MEIS2: variants seen among roughly 807,000 people sequenced by gnomAD.
MEIS2 encodes the protein Meis homeobox 2, also known as homeobox protein Meis2.
In MEIS2, 9 loss-of-function variants were observed where a neutral mutation model predicts 58.6. The ratio of observed to expected loss-of-function variants is 0.15; its 90% CI spans 0.09 to 0.27. The LOEUF (loss-of-function observed/expected upper bound fraction) is 0.27, where lower values mean the gene tolerates loss of function less well. Ranked by LOEUF, MEIS2 falls within the 10% of genes least tolerant of loss-of-function variation. MEIS2 has a pLI of 1.00. For missense variants in MEIS2, 427 were observed against 635.0 expected, an observed-to-expected ratio of 0.67 and a Z score of 3.52; for synonymous variants, 221 against 228.4, an observed-to-expected ratio of 0.97 and a Z score of 0.29.
chr15:36,990,114 T>G (rs907816095), intron 8 of MEIS2, among the ~76,000 whole-genome samples: 4 of 151,938 alleles, frequency 2.6e-5, no homozygotes, highest in Non-Finnish European at 4.4e-5. Context: ...CCAGCTAAAT[T>G]TTTTGTATTT....
At chr15:37,092,234 T>C (rs1002807429) in intron 6 of MEIS2, among the ~76,000 whole-genome samples, 7 of 152,240 alleles carry the variant, frequency 4.6e-5, no homozygotes, top group African/African-American at 1.7e-4. Context: ...TCTAGACTTT[T>C]TCTAACTTTT....
chr15:36,934,613 T>C (rs1205631362), intron 9 of MEIS2, among the ~76,000 whole-genome samples: 2 of 152,228 alleles, frequency 1.3e-5, no homozygotes, highest in Non-Finnish European at 2.9e-5. Context: ...GTAATTGTAC[T>C]GGCTTTGTGA....
At chr15:37,069,461 T>G (rs928208262) in intron 7 of MEIS2, among the ~76,000 whole-genome samples, 1 of 152,200 alleles carries the variant, frequency 6.6e-6, no homozygotes, top group Non-Finnish European at 1.5e-5. Context: ...ATGGCAAAGA[T>G]AGTCTTAACT....
intron 6 of MEIS2, among the ~76,000 whole-genome samples, chr15:37,084,378 C>T (rs1469391349): frequency 6.6e-6 from 1 of 152,096 alleles, no homozygotes; most frequent in East Asian, 1.9e-4. Context: ...TATGGGACAG[C>T]CCTTGACATC....
At chr15:37,011,459 T>C (rs2061151187) in intron 8 of MEIS2, among the ~76,000 whole-genome samples, 1 of 152,166 alleles carries the variant, frequency 6.6e-6, no homozygotes, top group African/African-American at 2.4e-5. Flanking sequence ...CCAAAAGAAT[T>C]AGCTTTCTTG....
chr15:37,031,625 T>C (rs1298165331), intron 8 of MEIS2, among the ~76,000 whole-genome samples: 3 of 151,994 alleles, frequency 2.0e-5, no homozygotes, highest in African/African-American at 7.3e-5. Flanking sequence ...ACCCAGGCCT[T>C]GACAAAATCC....
chr15:36,930,280 C>G, intron 9 of MEIS2, among the ~76,000 whole-genome samples: 1 of 148,436 alleles, frequency 6.7e-6, no homozygotes, highest in Non-Finnish European at 1.5e-5. Context: ...ATATGTAGAG[C>G]TGATTGCACA....
rs2055798197 is a variant in MEIS2 at position 36,890,291 on chromosome 15, C to T, written c.*1882G>A. On this transcript the variant is annotated 3_prime_UTR_variant, in exon 12 of 12. Coordinates refer to ENST00000561208, the MANE Select transcript of MEIS2 (RefSeq NM_170675.5). ...CACCCTTTTTGCACACTTTAGCAGA[C>T]ATTGTTTGTGCAGTATCAATAAGCT... is the stretch of plus-strand genomic sequence containing the variant. 1 of 152,132 alleles carries T rather than the reference C, an allele frequency of 6.6e-6. No homozygotes were observed. Among genetic ancestry groups the T allele is most frequent in the African/African-American group, 2.4e-5 (1 of 41,430 alleles). 9.4% of individuals were successfully genotyped at this position (152,132 alleles called of 1,614,324 possible).
At chr15:36,956,034 A>T (rs1385752214) in intron 8 of MEIS2, among the ~76,000 whole-genome samples, 1 of 147,012 alleles carries the variant, frequency 6.8e-6, no homozygotes, top group Non-Finnish European at 1.5e-5. Context: ...AAAAAAAAAA[A>T]AAAAAAAAAA....
At chr15:36,911,320 T>C (rs987718679) in intron 9 of MEIS2, among the ~76,000 whole-genome samples, 2 of 151,956 alleles carry the variant, frequency 1.3e-5, no homozygotes, top group Non-Finnish European at 2.9e-5. Context: ...TGCATACATA[T>C]CACATATATA....
intron 7 of MEIS2, among the ~76,000 whole-genome samples, chr15:37,055,497 C>A (rs1888265780): frequency 6.6e-6 from 1 of 152,184 alleles, no homozygotes; most frequent in Non-Finnish European, 1.5e-5. Context: ...CATTAAACAA[C>A]ATTACTCGAC....
At chr15:37,025,806 G>A (rs1176323256) in intron 8 of MEIS2, among the ~76,000 whole-genome samples, 1 of 150,078 alleles carries the variant, frequency 6.7e-6, no homozygotes, top group East Asian at 2.0e-4. Flanking sequence ...TGACAACAAA[G>A]GTCATATTAA....
chr15:37,019,657 A>T (rs755325199), intron 8 of MEIS2, among the ~76,000 whole-genome samples: 1 of 152,304 alleles, frequency 6.6e-6, no homozygotes, highest in South Asian at 2.1e-4. Context: ...TGGCCCGTAG[A>T]GGGTAGGGAG....
At chr15:36,984,481 A>G (rs953042961) in intron 8 of MEIS2, among the ~76,000 whole-genome samples, 2 of 152,126 alleles carry the variant, frequency 1.3e-5, no homozygotes, top group African/African-American at 4.8e-5. Context: ...GTGCTGTTCA[A>G]TTTAGACTAT....
At chr15:37,001,522 C>T (rs979332655) in intron 8 of MEIS2, among the ~76,000 whole-genome samples, 2 of 152,066 alleles carry the variant, frequency 1.3e-5, no homozygotes, top group African/African-American at 4.8e-5. Context: ...TGTTGGATTG[C>T]TTCCCCCTCT....
intron 9 of MEIS2, among the ~76,000 whole-genome samples, chr15:36,922,596 A>C: frequency 6.7e-6 from 1 of 150,252 alleles, no homozygotes; most frequent in Non-Finnish European, 1.5e-5. Context: ...TCCCTTTGGA[A>C]ACCTCAGTAA....
chr15:36,892,434 G>A lies in MEIS2; in HGVS notation c.1173C>T (p.Tyr391=), dbSNP rs749536909. 5.6e-6 allele frequency: 9 copies of A among 1,612,998 alleles called. No homozygotes were observed. Among genetic ancestry groups the A allele is most frequent in the Middle Eastern group, 1.7e-4 (1 of 5,970 alleles). ...PAGLQSMPGD[Y]VSQGGPMGMS... ...TTCCCATAGGACCACCCTGAGAAACGTAGTCCCCTGGCATGCTCTGCAAAC... is the reference window on the plus strand; with the variant it reads ...TTCCCATAGGACCACCCTGAGAAACATAGTCCCCTGGCATGCTCTGCAAAC... Residue 391 remains tyrosine, a synonymous_variant, in exon 12 of 12, where the codon TAC becomes TAT. Coordinates refer to ENST00000561208, the MANE Select transcript of MEIS2 (RefSeq NM_170675.5).
intron 7 of MEIS2, among the ~76,000 whole-genome samples, chr15:37,075,532 C>G (rs529433234): frequency 6.6e-6 from 1 of 151,932 alleles, no homozygotes; most frequent in African/African-American, 2.4e-5. Flanking sequence ...CATCAGTGAA[C>G]CAATACACAC....
At chr15:37,051,121 T>G (rs1026567152) in intron 7 of MEIS2, among the ~76,000 whole-genome samples, 1 of 152,218 alleles carries the variant, frequency 6.6e-6, no homozygotes, top group African/African-American at 2.4e-5. Flanking sequence ...TGCTTTATAC[T>G]TATTAACAAA....
Sources: gnomAD v4.1 joint callset for allele counts (sites outside exome capture counted in the v4.1 genomes callset) on GRCh38, gnomAD v4.1.1 for gene constraint, MANE v1.5 for transcripts, NCBI Gene and HGNC (gene_info 2026-07-23, HGNC 2026-07-21) for gene names.